The following PSD3 variants were observed in gnomAD, a reference collection of about 807,000 sequenced individuals.
PSD3 encodes PH and SEC7 domain-containing protein 3.
Under a neutral mutation model 105.5 loss-of-function variants are expected in PSD3, and 49 were observed. That is an observed-to-expected ratio of 0.46 (90% CI 0.37 to 0.59). The LOEUF (loss-of-function observed/expected upper bound fraction) is 0.59. PSD3 is among the 20% of genes least tolerant of loss of function. The pLI is 0.00. For missense variants in PSD3, 1,561 were observed against 1,263.8 expected, an observed-to-expected ratio of 1.24 and a Z score of -3.57; for synonymous variants, 557 against 457.8, an observed-to-expected ratio of 1.22 and a Z score of -2.77.
intron 9 of PSD3, among the ~76,000 whole-genome samples, chr8:18,752,566 TATATATATAA>T (rs1805645494): frequency 2.6e-5 from 2 of 76,306 alleles, no homozygotes; most frequent in African/African-American, 1.7e-4. Flanking sequence ...TTATATATAT[TATATATATAA>T]TTATATATAT....
chr8:18,657,360 A>C lies in PSD3; in HGVS notation c.2173-1675T>G, dbSNP rs1008140074. On this transcript the variant is annotated intron_variant, in intron 9 of 15. Coordinates refer to ENST00000327040, the MANE Select transcript of PSD3 (RefSeq NM_015310.4). ...TTTACGACTCAATACGTGTATTCTT[A>C]GCCAGTATCTTGACAAACTTCATGA... Among the ~76,000 whole-genome samples, 16 of 152,246 alleles carry C rather than the reference A, an allele frequency of 1.1e-4. 1 individual carries two copies. The highest frequency in any genetic ancestry group is 3.3e-4 in the Admixed American group (5 of 15,290).
intron 4 of PSD3, among the ~76,000 whole-genome samples, chr8:18,813,711 T>C (rs535359638): frequency 9.9e-5 from 15 of 152,182 alleles, no homozygotes; most frequent in African/African-American, 3.4e-4. Context: ...CTGGCTCCAG[T>C]GGTCACCAGT....
At chr8:19,035,127 T>C (rs1251628685) in intron 1 of PSD3, among the ~76,000 whole-genome samples, 1 of 152,200 alleles carries the variant, frequency 6.6e-6, no homozygotes, top group African/African-American at 2.4e-5. Flanking sequence ...TTGTCATCCA[T>C]AAATATTTGA....
chr8:19,054,642 C>G (rs1032081615), intron 1 of PSD3, among the ~76,000 whole-genome samples: 20 of 152,200 alleles, frequency 1.3e-4, no homozygotes, highest in African/African-American at 4.8e-4. Context: ...AGATTTATTC[C>G]AAGGAATTCA....
chr8:19,061,362 C>G (rs1392386980), intron 1 of PSD3, among the ~76,000 whole-genome samples: 1 of 151,980 alleles, frequency 6.6e-6, no homozygotes, highest in Admixed American at 6.6e-5. Context: ...TAATCACTGG[C>G]GACAAGACAA....
chr8:18,555,098 G>A (rs1224052944), intron 15 of PSD3, among the ~76,000 whole-genome samples: 1 of 152,054 alleles, frequency 6.6e-6, no homozygotes, highest in Non-Finnish European at 1.5e-5. Context: ...GTAGGCAGCT[G>A]TCAAGCAGAG....
At chr8:18,879,536 A>C (rs1817980141) in intron 2 of PSD3, among the ~76,000 whole-genome samples, 1 of 152,146 alleles carries the variant, frequency 6.6e-6, no homozygotes, top group East Asian at 1.9e-4. Context: ...TCAGGAGTAA[A>C]AGCCTGGGAG....
At chr8:18,641,834 G>A (rs1447854078) in intron 10 of PSD3, among the ~76,000 whole-genome samples, 1 of 152,104 alleles carries the variant, frequency 6.6e-6, no homozygotes, top group Non-Finnish European at 1.5e-5. Context: ...TTATCATGGG[G>A]TTTCTATTAT....
At chr8:19,020,421 G>A (rs1827326552) in intron 1 of PSD3, among the ~76,000 whole-genome samples, 1 of 152,056 alleles carries the variant, frequency 6.6e-6, no homozygotes, top group African/African-American at 2.4e-5. Context: ...AGGCCCTGAG[G>A]TCTTGCCTGG....
At chr8:18,752,655 T>C (rs1421816607) in intron 9 of PSD3, among the ~76,000 whole-genome samples, 1 of 107,820 alleles carries the variant, frequency 9.3e-6, no homozygotes, top group African/African-American at 3.7e-5. Context: ...ATATATAATA[T>C]ATTATATTTG....
At chr8:18,600,290 C>T (rs1054253903) in intron 12 of PSD3, 74 bp downstream of exon 12, 30 of 1,310,580 alleles carry the variant, frequency 2.3e-5, no homozygotes, top group African/African-American at 1.8e-4. Context: ...GGGAGACTAC[C>T]GTACATACAT....
At chr8:18,582,059 A>G (rs1175314783) in intron 12 of PSD3, among the ~76,000 whole-genome samples, 2 of 152,156 alleles carry the variant, frequency 1.3e-5, no homozygotes, top group Non-Finnish European at 2.9e-5. Flanking sequence ...GAGTTCAATC[A>G]ACAACAGGAA....
chr8:19,011,071 C>T (rs559031933), intron 1 of PSD3, among the ~76,000 whole-genome samples: 38 of 152,070 alleles, frequency 2.5e-4, no homozygotes, highest in African/African-American at 9.2e-4. Flanking sequence ...TGTCTGAATT[C>T]CTTTCCAAAA....
chr8:18,864,001 A>G (rs373637503), intron 4 of PSD3, among the ~76,000 whole-genome samples: 4 of 151,912 alleles, frequency 2.6e-5, no homozygotes, highest in Admixed American at 2.0e-4. Context: ...GAACAGTGTC[A>G]TCCTGTGCTC....
chr8:19,032,089 G>A (rs1346288294), intron 1 of PSD3, among the ~76,000 whole-genome samples: 1 of 152,034 alleles, frequency 6.6e-6, no homozygotes, highest in African/African-American at 2.4e-5. Context: ...GACCAACACA[G>A]GATGCTAATC....
chr8:18,996,481 G>A (rs963787366), intron 1 of PSD3, among the ~76,000 whole-genome samples: 2 of 151,822 alleles, frequency 1.3e-5, no homozygotes, highest in African/African-American at 4.8e-5. Context: ...GGGAAGATAA[G>A]GACTTTATGT....
chr8:18,738,810 C>T (rs1007739420), intron 9 of PSD3, among the ~76,000 whole-genome samples: 37 of 151,726 alleles, frequency 2.4e-4, no homozygotes, highest in Non-Finnish European at 2.1e-4. Context: ...GTAAGCTATA[C>T]CACACCCGCT....
At chr8:19,070,459 T>A (rs1279083214) in intron 1 of PSD3, among the ~76,000 whole-genome samples, 2 of 151,044 alleles carry the variant, frequency 1.3e-5, no homozygotes. Flanking sequence ...GTAGATCACC[T>A]GAGGTCAGGA....
At chr8:19,018,539 A>T (rs973019985), upstream of PSD3, among the ~76,000 whole-genome samples, 1 of 152,212 alleles carries the variant, frequency 6.6e-6, no homozygotes, top group African/African-American at 2.4e-5. Context: ...AAATGTTCCA[A>T]TAGTCAATTC....
Sources: gnomAD v4.1 joint callset for allele counts (sites outside exome capture counted in the v4.1 genomes callset) on GRCh38, gnomAD v4.1.1 for gene constraint, MANE v1.5 for transcripts, NCBI Gene and HGNC (gene_info 2026-07-23, HGNC 2026-07-21) for gene names.